LTK: variants seen among roughly 807,000 people sequenced by gnomAD.
The protein encoded by LTK is leukocyte tyrosine kinase receptor.
LTK carries 117 observed loss-of-function variants against 101.5 expected under a neutral mutation model. The ratio of observed to expected loss-of-function variants is 1.15; its 90% CI spans 0.99 to 1.34. The LOEUF (loss-of-function observed/expected upper bound fraction) is 1.34. LTK is among the 40% of genes most tolerant of loss of function. The probability of loss-of-function intolerance (pLI) is 0.00; values close to 1 mark genes in which losing one functional copy is unlikely to be tolerated. For missense variants in LTK, 1,252 were observed against 1,164.7 expected (o/e 1.07, Z -1.09); for synonymous variants, 563 against 494.2 (o/e 1.14, Z -1.85).
At chr15:41,506,598 T>A (rs316621) in intron 11 of LTK, among the ~76,000 whole-genome samples, 1 of 151,934 alleles carries the variant, frequency 6.6e-6, no homozygotes. Context: ...AGATCATATT[T>A]TTTTTTTATT....
At position 41,508,150 on chromosome 15, in the gene LTK, G is replaced by GGCA; in HGVS notation, c.1165_1167dup (p.Cys389dup). ...GCCAGCTGGAGCTCTGCCTGCCATT[G>GGCA]GCAGTCTCTCAAAGGGCAGTGACTG... is the stretch of plus-strand genomic sequence containing the variant. On this transcript the variant is annotated inframe_insertion, in exon 9 of 20. Transcript: ENST00000263800. 1 of 1,613,460 alleles carries GGCA rather than the reference G, an allele frequency of 6.2e-7. No homozygotes were observed. The highest frequency in any genetic ancestry group is 8.5e-7 in the Non-Finnish European group (1 of 1,179,786).
intron 11 of LTK, among the ~76,000 whole-genome samples, chr15:41,506,356 G>A (rs914329731): frequency 7.2e-5 from 11 of 152,212 alleles, no homozygotes; most frequent in African/African-American, 2.4e-4. Context: ...GCAGGCTGGA[G>A]TGCAATAGCG....
In LTK at chr15:41,512,702, C is replaced by A. The variant is rs774637858; in HGVS notation, c.359+5G>T. 1.3e-6 allele frequency: 2 copies of A among 1,571,800 alleles called. No individual in the cohort carries two copies. The highest frequency in any genetic ancestry group is 2.3e-5 in the South Asian group (2 of 87,536). On this transcript the variant is annotated splice_donor_5th_base_variant and intron_variant, in intron 3 of 19. Coordinates refer to ENST00000263800, the MANE Select transcript of LTK (RefSeq NM_002344.6). ...CTGTCCACCCTACCTCCGCCGTGCA[C>A]TTACAGATACTGGCCAGGGCCCGGC...
rs944074826 is a variant in LTK at position 41,505,232 on chromosome 15, A to C, written c.1901T>G (p.Leu634Arg). Residue 634 changes from leucine (L) to arginine (R), a missense_variant, in exon 15 of 20, where the codon CTG (leucine) becomes CGG (arginine). Coordinates refer to ENST00000263800, the MANE Select transcript of LTK (RefSeq NM_002344.6). ...CCTGTGGATGAAGTGATTTTCCTCCAGGTAGTGGCAGCCCTGGGCTATGTC... is the reference window on the plus strand; with the variant it reads ...CCTGTGGATGAAGTGATTTTCCTCCCGGTAGTGGCAGCCCTGGGCTATGTC... ...AQDIAQGCHY[L>R]EENHFIHRDI... 1 of 1,613,922 alleles carries C rather than the reference A, an allele frequency of 6.2e-7. No homozygotes were observed. The highest frequency in any genetic ancestry group is 1.3e-5 in the African/African-American group (1 of 74,888).
rs1429638688 is a variant in LTK at position 41,507,173 on chromosome 15, A to G, written c.1463T>C (p.Val488Ala). The change falls in exon 11 of 20, where the codon GTG (valine) becomes GCG (alanine). Residue 488 changes from valine to alanine, a missense_variant. Physicochemically the swap from Val to Ala is moderately conservative, Grantham distance 64 (BLOSUM62 0). Coordinates refer to ENST00000263800, the MANE Select transcript of LTK (RefSeq NM_002344.6). ...CCAGGACTGGGCCGGGCCAAGCCCCACCTGGCAATAATAGGGATTGGGGGC... is the reference window on the plus strand; with the variant it reads ...CCAGGACTGGGCCGGGCCAAGCCCCGCCTGGCAATAATAGGGATTGGGGGC... ...RTAPNPYYCQ[V>A]GLGPAQSWPL... The G allele has an allele frequency of 6.2e-7, 1 of 1,613,772 alleles. No individual in the cohort carries two copies. The highest frequency in any genetic ancestry group is 8.5e-7 in the Non-Finnish European group (1 of 1,179,924).
At position 41,504,870 on chromosome 15, in the gene LTK, T is replaced by C. The variant is rs1462982933; in HGVS notation, c.2023A>G (p.Ser675Gly). The change falls in exon 17 of 20, where the codon AGT (serine) becomes GGT (glycine). Residue 675 changes from serine (S) to glycine (G), a missense_variant. Coordinates refer to ENST00000263800, the MANE Select transcript of LTK (RefSeq NM_002344.6). ...FGMARDIYRA[S>G]YYRRGDRALL... ...GCCCGGTCCCCCCTGCGGTAATAAC[T>C]GGCCCTACAGGAGGGAGGAGGTGAA... The C allele has an allele frequency of 1.2e-6, 2 of 1,612,324 alleles. No homozygotes were observed. Among genetic ancestry groups the C allele is most frequent in the Admixed American group, 3.3e-5 (2 of 59,808 alleles).
rs765851843 is a variant in LTK at position 41,509,079 on chromosome 15, C to T, written c.1048G>A (p.Val350Ile). The change falls in exon 8 of 20, where the codon GTA (valine) becomes ATA (isoleucine). Residue 350 changes from valine to isoleucine, a missense_variant. By Grantham distance (29) the Val-to-Ile change is conservative. Transcript: ENST00000263800. The stretch of plus-strand genomic sequence containing the variant: ...TCGCTGCTGGGGTGTATGAAGGATA[C>T]TCCATCTTCCCCATCAGCCCAGAGG... ...DNLWADGEDGVSFIHPSSELF... is the reference protein window; with the variant it reads ...DNLWADGEDGISFIHPSSELF... The T allele has an allele frequency of 1.2e-6, 2 of 1,613,778 alleles. No homozygotes were observed. The highest frequency in any genetic ancestry group is 1.7e-6 in the Non-Finnish European group (2 of 1,179,906).
intron 11 of LTK, 22 bp from the exon 12 acceptor site, chr15:41,506,027 G>A (rs376180945): frequency 2.6e-5 from 41 of 1,568,964 alleles, no homozygotes; most frequent in Non-Finnish European, 3.5e-5. Flanking sequence ...CACGTTGGAA[G>A]GGAGTGGGCA....
chr15:41,511,258 G>A lies in LTK; in HGVS notation c.903C>T (p.Ser301=). 3.5e-6 allele frequency: 5 copies of A among 1,422,898 alleles called. No homozygotes were observed. Among genetic ancestry groups the A allele is most frequent in the Non-Finnish European group, 4.6e-6 (5 of 1,092,322 alleles). 88.1% of individuals were successfully genotyped at this position (1,422,898 alleles called of 1,614,324 possible). A position where few individuals can be genotyped will look rare whatever the true frequency, so the allele number is the denominator to read the frequency against. Residue 301 remains serine, a synonymous_variant, in exon 7 of 20, where the codon TCC becomes TCT. Transcript: ENST00000263800. This position sits in a 1 kb window ranked among gnomAD's most constrained non-coding sequence, Gnocchi z 5.9. ...QEGAEGGQGC[S]EAWATLGWAA... ...CCCAGCCAAGGGTCGCCCAAGCCTC[G>A]GAGCAGCCCTGGCCGCCCTCCGCCC...
At position 41,507,868 on chromosome 15, in the gene LTK, T is replaced by C. The variant is rs570981388; in HGVS notation, c.1249+201A>G. Reference sequence around the variant, plus strand: ...TCGTCACTTGAGATATACATTTACATAGCTATATCTAAACATCCTCCCACA... The same window carrying C: ...TCGTCACTTGAGATATACATTTACACAGCTATATCTAAACATCCTCCCACA... On this transcript the variant is annotated intron_variant, in intron 9 of 19. Transcript: ENST00000263800. Among the ~76,000 whole-genome samples, 45 of 152,304 alleles carry C rather than the reference T, an allele frequency of 3.0e-4. No homozygotes were observed. The South Asian group carries it at 6.2e-3, about 21-fold the overall frequency.
Position 41,505,248 on chromosome 15 carries a change from G to A in LTK, c.1885C>T (p.Gln629Ter), listed in dbSNP as rs2051229073. 1 of 1,613,954 alleles carries A rather than the reference G, an allele frequency of 6.2e-7. No homozygotes were observed. Among genetic ancestry groups the A allele is most frequent in the Non-Finnish European group, 8.5e-7 (1 of 1,180,018 alleles). The change falls in exon 15 of 20, where the codon CAG becomes TAG. Residue 629 changes from glutamine to a stop codon, truncating the protein, a stop_gained. Coordinates refer to ENST00000263800, the MANE Select transcript of LTK (RefSeq NM_002344.6). LOFTEE classifies it high-confidence loss of function. ...TTTTCCTCCAGGTAGTGGCAGCCCT[G>A]GGCTATGTCCTGGGCCAGTTGCAGC... ...DLLQLAQDIA[Q>*]GCHYLEENHF...
intron 15 of LTK, 72 bp from the exon 16 acceptor site, chr15:41,505,136 A>T: frequency 6.3e-7 from 1 of 1,587,328 alleles, no homozygotes. Flanking sequence ...TTTCCTTAAA[A>T]GCTGTGTGGA....
At chr15:41,506,713 C>T (rs2051297459) in intron 11 of LTK, among the ~76,000 whole-genome samples, 1 of 152,152 alleles carries the variant, frequency 6.6e-6, no homozygotes, top group South Asian at 2.1e-4. Flanking sequence ...GCCTCAGCCT[C>T]CCACGTAGCT....
rs1595469719 is a variant in LTK, at chr15:41,511,751, C to T, written c.657+66G>A. On this transcript the variant is annotated intron_variant, in intron 5 of 19. Coordinates refer to ENST00000263800, the MANE Select transcript of LTK (RefSeq NM_002344.6). The surrounding 1 kb of genome is among the most constrained non-coding windows in gnomAD (Gnocchi z 5.9). ...GGACCCCAAGGGACGGACGGAGAGCCGGTGCGTGAGCGCCCCTGGGGAGAG... is the reference window on the plus strand; with the variant it reads ...GGACCCCAAGGGACGGACGGAGAGCTGGTGCGTGAGCGCCCCTGGGGAGAG... 6.9e-7 allele frequency: 1 copy of T among 1,450,684 alleles called. No homozygotes were observed. The highest frequency in any genetic ancestry group is 9.0e-7 in the Non-Finnish European group (1 of 1,113,452). 89.9% of individuals were successfully genotyped at this position (1,450,684 alleles called of 1,614,324 possible).
intron 4 of LTK, 66 bp from the exon 5 acceptor site, chr15:41,512,029 G>C: frequency 6.8e-7 from 1 of 1,468,932 alleles, no homozygotes; most frequent in South Asian, 1.4e-5. Flanking sequence ...TGGTGACCCG[G>C]CACCGAGGAA....
At position 41,505,458 on chromosome 15, in the gene LTK, C is replaced by T. The variant is rs766165522; in HGVS notation, c.1770G>A (p.Leu590=). The change falls in exon 14 of 20, where the codon CTG becomes CTA. Residue 590 remains leucine (L), a synonymous_variant. Coordinates refer to ENST00000263800, the MANE Select transcript of LTK (RefSeq NM_002344.6). ...SLRATPRLIL[L]ELMSGGDMKS... Reference sequence around the variant, plus strand: ...TCATGTCCCCTCCAGACATCAGTTCCAGCAGAATGAGGCGAGGGGTGGCCC... The same window carrying T: ...TCATGTCCCCTCCAGACATCAGTTCTAGCAGAATGAGGCGAGGGGTGGCCC... 1 of 1,614,120 alleles carries T rather than the reference C, an allele frequency of 6.2e-7. No individual in the cohort carries two copies. Among genetic ancestry groups the T allele is most frequent in the African/African-American group, 1.3e-5 (1 of 75,034 alleles).
rs1039200738 is a variant in LTK at position 41,513,802 on chromosome 15, C to T, written c.-93G>A. On this transcript the variant is annotated 5_prime_UTR_variant, in exon 1 of 20. Coordinates refer to ENST00000263800, the MANE Select transcript of LTK (RefSeq NM_002344.6). ...GACAGCTCATTTTGCCACGGCAGCC[C>T]TGGCCACCACTTACAGGGGTGTGCT... The T allele has an allele frequency of 3.6e-6, 4 of 1,119,816 alleles. No individual in the cohort carries two copies. Among genetic ancestry groups the T allele is most frequent in the Admixed American group, 3.4e-5 (2 of 58,134 alleles). The allele number at this position is 1,119,816 out of a possible 1,614,324, so 69.4% of individuals were successfully genotyped here.
intron 11 of LTK, among the ~76,000 whole-genome samples, chr15:41,506,308 AT>A (rs879317600): frequency 2.6e-5 from 4 of 151,896 alleles, no homozygotes; most frequent in Admixed American, 6.6e-5. Flanking sequence ...AAGAGTCATG[AT>A]TTTTTTTCTT....
intron 3 of LTK, 128 bp from the exon 4 acceptor site, chr15:41,512,393 T>A: frequency 1.0e-6 from 1 of 996,550 alleles, no homozygotes; most frequent in Non-Finnish European, 1.5e-6. Flanking sequence ...CAATCGACTC[T>A]GACGGGATGG....
Sources: allele counts gnomAD v4.1 joint callset (sites outside exome capture counted in the v4.1 genomes callset), GRCh38; gene constraint gnomAD v4.1.1; non-coding constraint Gnocchi (gnomAD v3.1); transcripts MANE v1.5; gene names NCBI Gene and HGNC (gene_info 2026-07-23, HGNC 2026-07-21).